The following CTNND2 variants were observed in gnomAD, a reference collection of about 807,000 sequenced individuals.
CTNND2 encodes catenin delta-2.
CTNND2 carries 22 observed loss-of-function variants against 144.4 expected under a neutral mutation model. The ratio of observed to expected loss-of-function variants is 0.15; its 90% CI spans 0.11 to 0.22. CTNND2 has a LOEUF of 0.22. Ranked by LOEUF, CTNND2 falls within the 10% of genes least tolerant of loss-of-function variation. The pLI, the probability that CTNND2 is intolerant of heterozygous loss-of-function variation, is 1.00. For synonymous variants in CTNND2, 751 were observed against 695.6 expected (o/e 1.08, Z -1.25); for missense variants, 1,353 against 1,618.8 (o/e 0.84, Z 2.82).
In CTNND2 at chr5:11,196,980, T is replaced by C. The variant is rs555784946; in HGVS notation, c.1975+2468A>G. ...CATTGAGGCAATGACTGTGCAGATG[T>C]CAGCTGAGTCCTGCAGGTTTCCAGG... On this transcript the variant is annotated intron_variant, in intron 11 of 21. Transcript: ENST00000304623. 2.0e-5 allele frequency among the ~76,000 whole-genome samples: 3 copies of C among 152,358 alleles called. No homozygotes were observed. In the South Asian group the frequency reaches 6.2e-4, roughly 32 times the overall value.
chr5:11,660,057 G>T (rs1934037732), intron 2 of CTNND2, among the ~76,000 whole-genome samples: 1 of 152,152 alleles, frequency 6.6e-6, no homozygotes, highest in Admixed American at 6.6e-5. Flanking sequence ...GTCTTTATTA[G>T]ATTAGCAATG....
chr5:11,775,813 G>A (rs1437789601), intron 1 of CTNND2, among the ~76,000 whole-genome samples: 1 of 152,174 alleles, frequency 6.6e-6, no homozygotes, highest in Non-Finnish European at 1.5e-5. Context: ...TGTAAATAGA[G>A]TCTTTGCAGA....
In CTNND2 at chr5:11,502,850, A is replaced by T. The variant is rs143160235; in HGVS notation, c.287+62094T>A. On this transcript the variant is annotated intron_variant, in intron 3 of 21. Coordinates refer to ENST00000304623, the MANE Select transcript of CTNND2 (RefSeq NM_001332.4). ...AACACTATGAAAGAAGGGACCTAGA[A>T]ATACATGCAAAAATTAAGGCCAAGT... Among the ~76,000 whole-genome samples, 80 of 152,326 alleles carry T rather than the reference A, an allele frequency of 5.3e-4. 1 individual carries two copies. The highest frequency in any genetic ancestry group is 4.4e-3 in the Admixed American group (68 of 15,308).
At chr5:11,191,268 A>G (rs2149814877) in intron 11 of CTNND2, among the ~76,000 whole-genome samples, 1 of 152,300 alleles carries the variant, frequency 6.6e-6, no homozygotes, top group Middle Eastern at 3.4e-3. Flanking sequence ...CAATTCCATC[A>G]TAAAAAGCAG....
At chr5:11,134,444 T>G (rs144473637) in intron 12 of CTNND2, among the ~76,000 whole-genome samples, 179 of 152,320 alleles carry the variant, frequency 1.2e-3, no homozygotes, top group African/African-American at 4.2e-3. Context: ...TGCAGGACTC[T>G]GCAGTAATCA....
chr5:11,248,032 A>G (rs1403211560), intron 9 of CTNND2, among the ~76,000 whole-genome samples: 2 of 152,188 alleles, frequency 1.3e-5, no homozygotes, highest in Non-Finnish European at 1.5e-5. Flanking sequence ...TAGTGTCCAT[A>G]AACTTTACCT....
chr5:11,309,892 C>T (rs967674158), intron 9 of CTNND2, among the ~76,000 whole-genome samples: 10 of 152,080 alleles, frequency 6.6e-5, no homozygotes, highest in African/African-American at 2.4e-4. Flanking sequence ...TGGCACCTTC[C>T]CCTTTGCCCT....
At chr5:11,743,308 A>C (rs1788123083) in intron 1 of CTNND2, among the ~76,000 whole-genome samples, 1 of 152,200 alleles carries the variant, frequency 6.6e-6, no homozygotes, top group Non-Finnish European at 1.5e-5. Flanking sequence ...TCTATGTGGC[A>C]TTTGAAATGA....
chr5:11,430,967 T>C (rs1763240261), intron 3 of CTNND2, among the ~76,000 whole-genome samples: 1 of 152,176 alleles, frequency 6.6e-6, no homozygotes, highest in Non-Finnish European at 1.5e-5. Flanking sequence ...GATTGAGCAG[T>C]TTAATGTGTC....
intron 11 of CTNND2, among the ~76,000 whole-genome samples, chr5:11,195,594 C>A (rs4702792): frequency 6.6e-6 from 1 of 152,166 alleles, no homozygotes; most frequent in African/African-American, 2.4e-5. Context: ...TCTGGATATG[C>A]GAAGCATCAG....
intron 3 of CTNND2, among the ~76,000 whole-genome samples, chr5:11,475,672 A>C (rs1767659703): frequency 6.6e-6 from 1 of 152,198 alleles, no homozygotes; most frequent in Non-Finnish European, 1.5e-5. Flanking sequence ...AGCTGATGTG[A>C]GAATGCAGAG....
intron 6 of CTNND2, among the ~76,000 whole-genome samples, chr5:11,387,282 C>T (rs1277045749): frequency 6.6e-6 from 1 of 150,984 alleles, no homozygotes; most frequent in Non-Finnish European, 1.5e-5. Flanking sequence ...CAATCAGAAT[C>T]ATACCCCCAC....
At chr5:11,584,200 G>A (rs1030282405) in intron 2 of CTNND2, among the ~76,000 whole-genome samples, 1 of 152,164 alleles carries the variant, frequency 6.6e-6, no homozygotes, top group African/African-American at 2.4e-5. Flanking sequence ...AAGAAGGAAC[G>A]TGTGACTAAT....
chr5:11,131,597 C>T (rs1184182732), intron 12 of CTNND2, among the ~76,000 whole-genome samples: 1 of 152,164 alleles, frequency 6.6e-6, no homozygotes. Flanking sequence ...ACCATCCTGG[C>T]TAACATGGTG....
chr5:11,602,925 A>T (rs142792652), intron 2 of CTNND2, among the ~76,000 whole-genome samples: 1 of 148,362 alleles, frequency 6.7e-6, no homozygotes, highest in Non-Finnish European at 1.5e-5. Flanking sequence ...CCTGTGCCTA[A>T]AATTGATGAG....
Position 11,359,861 on chromosome 5 carries a change from C to T in CTNND2, c.1372+4835G>A, listed in dbSNP as rs192058784. Among the ~76,000 whole-genome samples, 365 of 152,252 alleles carry T rather than the reference C, an allele frequency of 2.4e-3. 2 individuals carry two copies. Among genetic ancestry groups the T allele is most frequent in the African/African-American group, 8.2e-3 (341 of 41,534 alleles). On this transcript the variant is annotated intron_variant, in intron 8 of 21. Coordinates refer to ENST00000304623, the MANE Select transcript of CTNND2 (RefSeq NM_001332.4). ...AACACAGCCTTGGGTGATGGCATGC[C>T]TGTTCAGCTTCATGAAATCCTATTG...
At chr5:11,413,057 A>G (rs1761669002) in intron 3 of CTNND2, among the ~76,000 whole-genome samples, 1 of 152,160 alleles carries the variant, frequency 6.6e-6, no homozygotes, top group Non-Finnish European at 1.5e-5. Context: ...TGAAAACAAG[A>G]GTAGTCCATT....
intron 2 of CTNND2, among the ~76,000 whole-genome samples, chr5:11,602,755 ATATAT>A (rs1349620346): frequency 6.9e-6 from 1 of 145,298 alleles, no homozygotes; most frequent in Admixed American, 7.0e-5. Context: ...TATATAATAG[ATATAT>A]TATTAATAGA....
intron 3 of CTNND2, among the ~76,000 whole-genome samples, chr5:11,519,507 GT>G (rs33945163): frequency 0.6 from 85,021 of 140,752 alleles, 25,634 homozygotes; most frequent in African/African-American, 0.7. Context: ...TCTTTTGTGG[GT>G]TTTTTTTTTT....
Sources: allele counts gnomAD v4.1 joint callset (sites outside exome capture counted in the v4.1 genomes callset), GRCh38; gene constraint gnomAD v4.1.1; transcripts MANE v1.5; gene names NCBI Gene and HGNC (gene_info 2026-07-23, HGNC 2026-07-21).